The following GRPR variants were observed in gnomAD, a reference collection of about 807,000 sequenced individuals.
GRPR encodes gastrin releasing peptide receptor.
Under a neutral mutation model 15.6 loss-of-function variants are expected in GRPR, and 4 were observed. That is an observed-to-expected ratio of 0.26 (90% CI 0.13 to 0.59). The LOEUF is 0.59. GRPR is among the 20% of genes least tolerant of loss of function. The pLI, the probability that GRPR is intolerant of heterozygous loss-of-function variation, is 0.90. For missense variants in GRPR, 270 were observed against 304.1 expected (o/e 0.89, Z 0.83); for synonymous variants, 128 against 126.8 (o/e 1.01, Z -0.06).
chrX:16,151,841 G>C (rs531795589), intron 2 of GRPR, among the ~76,000 whole-genome samples: 1 of 112,360 alleles, frequency 8.9e-6, no homozygotes, highest in South Asian at 3.8e-4. Context: ...AGAAAGACAT[G>C]AAGTAGTATG....
chrX:16,139,569 C>G (rs1402120404), intron 1 of GRPR, among the ~76,000 whole-genome samples: 2 of 111,391 alleles, frequency 1.8e-5, no homozygotes, highest in Admixed American at 1.9e-4. Context: ...TTGGGCACCC[C>G]TGATTTAAAT....
intron 1 of GRPR, among the ~76,000 whole-genome samples, chrX:16,140,797 C>T (rs1922519652): frequency 8.9e-6 from 1 of 111,737 alleles, no homozygotes; most frequent in South Asian, 3.8e-4. Flanking sequence ...TTACTTGCAC[C>T]TAAATCCTTG....
At chrX:16,126,005 T>G (rs952523788) in intron 1 of GRPR, among the ~76,000 whole-genome samples, 7 of 111,283 alleles carry the variant, frequency 6.3e-5, no homozygotes, top group Non-Finnish European at 1.9e-5. Flanking sequence ...TTTACTCTCT[T>G]CTTAGGGAGA....
chrX:16,150,445 A>G lies in GRPR; in HGVS notation c.554A>G (p.His185Arg). ...GTGTTTTCTGACCTCCATCCCTTCCATGAGGAAAGCACCAACCAGACCTTC... is the reference window on the plus strand; with the variant it reads ...GTGTTTTCTGACCTCCATCCCTTCCGTGAGGAAAGCACCAACCAGACCTTC... ...EAVFSDLHPF[H>R]EESTNQTFIS... Residue 185 changes from histidine (H) to arginine (R), a missense_variant, in exon 2 of 3, where the codon CAT (histidine) becomes CGT (arginine). This residue lies in a region of GRPR where 22 missense variants were observed against 51.9 expected (regional missense o/e 0.42). Coordinates refer to ENST00000380289, the MANE Select transcript of GRPR (RefSeq NM_005314.3). 4.1e-6 allele frequency: 5 copies of G among 1,208,591 alleles called. No individual in the cohort carries two copies. The highest frequency in any genetic ancestry group is 5.6e-6 in the Non-Finnish European group (5 of 893,071).
intron 1 of GRPR, among the ~76,000 whole-genome samples, chrX:16,129,731 A>C (rs781732869): frequency 9.0e-6 from 1 of 111,661 alleles, no homozygotes; most frequent in Admixed American, 9.5e-5. Context: ...GAATTTAGGC[A>C]TCCCATTGAT....
Position 16,123,700 on chromosome X carries a change from A to T in GRPR, c.-254A>T. On this transcript the variant is annotated 5_prime_UTR_variant, in exon 1 of 3. The change abolishes the stop of an existing upstream ORF in the 5' untranslated region. Coordinates refer to ENST00000380289, the MANE Select transcript of GRPR (RefSeq NM_005314.3). ...TTTAATTCTAAGCCTTTTTGTGGCT[A>T]AGTTTTGTTGTTGTTAACTTATTGA... 1 of 374,233 alleles carries T rather than the reference A, an allele frequency of 2.7e-6. No homozygotes were observed. Among genetic ancestry groups the T allele is most frequent in the Non-Finnish European group, 4.6e-6 (1 of 215,094 alleles). 30.8% of individuals were successfully genotyped at this position (374,233 alleles called of 1,213,427 possible). A position where few individuals can be genotyped will look rare whatever the true frequency, so the allele number is the denominator to read the frequency against.
intron 1 of GRPR, among the ~76,000 whole-genome samples, chrX:16,149,795 G>A (rs1252500927): frequency 2.7e-5 from 3 of 110,997 alleles, no homozygotes; most frequent in East Asian, 2.8e-4. Context: ...AAGAGAGAGT[G>A]TGAATTGTAC....
intron 2 of GRPR, 129 bp downstream of exon 2, chrX:16,150,785 T>C: frequency 2.0e-6 from 1 of 510,562 alleles, no homozygotes; most frequent in Non-Finnish European, 3.5e-6. Context: ...GGCCAGATGC[T>C]AAATGGAAAT....
intron 1 of GRPR, among the ~76,000 whole-genome samples, chrX:16,126,299 C>T (rs1384124409): frequency 3.6e-5 from 4 of 112,161 alleles, no homozygotes; most frequent in Non-Finnish European, 5.6e-5. Flanking sequence ...GGTAGTGCAT[C>T]TAACCAATTC....
chrX:16,145,062 A>T (rs1301171864), intron 1 of GRPR, among the ~76,000 whole-genome samples: 2 of 111,812 alleles, frequency 1.8e-5, no homozygotes, highest in African/African-American at 6.5e-5. Context: ...TAGAATGTAA[A>T]TTAGTATAAC....
At chrX:16,125,833 G>A (rs1426092766) in intron 1 of GRPR, among the ~76,000 whole-genome samples, 1 of 111,418 alleles carries the variant, frequency 9.0e-6, no homozygotes, top group Non-Finnish European at 1.9e-5. Flanking sequence ...AATGACCACA[G>A]ACAGTTTCAT....
chrX:16,142,537 A>G (rs1922544332), intron 1 of GRPR, among the ~76,000 whole-genome samples: 1 of 112,063 alleles, frequency 8.9e-6, no homozygotes, highest in Non-Finnish European at 1.9e-5. Flanking sequence ...ACACAACCCA[A>G]TGCCACCATC....
rs753114057 is a variant in GRPR, at chrX:16,150,584, C to T, written c.693C>T (p.Tyr231=). The T allele has an allele frequency of 8.3e-6, 10 of 1,198,836 alleles. No homozygotes were observed. In the African/African-American group the frequency reaches 1.1e-4, roughly 13 times the overall value. ...TGTCGATCATCTCTGTTTACTACTA[C>T]TTCATTGCTAAAAATCTGATCCAGA... ...IPLSIISVYY[Y]FIAKNLIQSA... Residue 231 remains tyrosine, a synonymous_variant, in exon 2 of 3, where the codon TAC becomes TAT. Transcript: ENST00000380289.
At chrX:16,138,806 A>G (rs1785873894) in intron 1 of GRPR, among the ~76,000 whole-genome samples, 1 of 111,973 alleles carries the variant, frequency 8.9e-6, no homozygotes, top group South Asian at 3.8e-4. Flanking sequence ...GGACATTCAC[A>G]GTGCTGTGCA....
At chrX:16,126,723 G>A (rs1483518611) in intron 1 of GRPR, among the ~76,000 whole-genome samples, 1 of 111,926 alleles carries the variant, frequency 8.9e-6, no homozygotes, top group East Asian at 2.8e-4. Flanking sequence ...ATCTTCTTAT[G>A]CTTATCATTA....
chrX:16,138,366 G>A (rs35064240), intron 1 of GRPR, among the ~76,000 whole-genome samples: 29,401 of 110,990 alleles, frequency 0.26, 3,173 homozygotes, highest in Non-Finnish European at 0.33. Context: ...AAAAGATACA[G>A]AATTGTATGC....
In GRPR at chrX:16,124,214, G is replaced by C. The variant is rs1922253204; in HGVS notation, c.261G>C (p.Leu87=). The C allele has an allele frequency of 1.7e-6, 2 of 1,209,329 alleles. No individual in the cohort carries two copies. The highest frequency in any genetic ancestry group is 3.5e-5 in the African/African-American group (2 of 57,167). Residue 87 remains leucine, a synonymous_variant, in exon 1 of 3, where the codon CTG becomes CTC. Coordinates refer to ENST00000380289, the MANE Select transcript of GRPR (RefSeq NM_005314.3). ...TTTCCAGTCTGGCTTTGGGAGACCT[G>C]CTCCTCCTAATAACGTGTGCTCCAG... ...LFISSLALGD[L]LLLITCAPVD...
chrX:16,124,439 A>T (rs1601940638), intron 1 of GRPR, 73 bp downstream of exon 1: 2 of 975,406 alleles, frequency 2.1e-6, no homozygotes, highest in East Asian at 6.1e-5. Flanking sequence ...CCATGTCGGG[A>T]CAGGGAGCTG....
chrX:16,145,107 G>A lies in GRPR; in HGVS notation c.414-5198G>A, dbSNP rs1023972394. Among the ~76,000 whole-genome samples the A allele has an allele frequency of 2.7e-5, 3 of 111,446 alleles. No homozygotes were observed. The East Asian group carries it at 8.4e-4, about 31-fold the overall frequency. The stretch of plus-strand genomic sequence containing the variant: ...GAACAGTTTGGAGGTTCCTCAAAAA[G>A]CTAAAAATAGAGCTACCATATGATC... On this transcript the variant is annotated intron_variant, in intron 1 of 2. Coordinates refer to ENST00000380289, the MANE Select transcript of GRPR (RefSeq NM_005314.3).
Sources: gnomAD v4.1 joint callset for allele counts (sites outside exome capture counted in the v4.1 genomes callset) on GRCh38, gnomAD v4.1.1 for gene constraint, gnomAD v4.1.1 regional missense constraint, MANE v1.5 for transcripts, NCBI Gene and HGNC (gene_info 2026-07-23, HGNC 2026-07-21) for gene names.